Variants in WWOX observed in about 807,000 individuals in gnomAD.
WWOX encodes the protein WW domain-containing oxidoreductase.
A neutral mutation model predicts 46.2 loss-of-function variants in WWOX; 69 were observed. That is an observed-to-expected ratio of 1.49 (90% CI 1.23 to 1.82). The LOEUF (loss-of-function observed/expected upper bound fraction) is 1.82, where lower values mean the gene tolerates loss of function less well. Among genes scored for constraint, WWOX ranks in the 40% most tolerant of loss-of-function variants. The probability of loss-of-function intolerance (pLI) is 0.00; values close to 1 mark genes in which losing one functional copy is unlikely to be tolerated. For synonymous variants in WWOX, 359 were observed against 202.6 expected (o/e 1.77, Z -6.56); for missense variants, 919 against 542.6 (o/e 1.69, Z -6.89).
intron 8 of WWOX, among the ~76,000 whole-genome samples, chr16:78,870,325 T>A (rs1294721515): frequency 1.3e-5 from 2 of 152,160 alleles, no homozygotes; most frequent in South Asian, 2.1e-4. Context: ...ATTCTAAGAA[T>A]CATAAGTTTT....
chr16:79,058,220 C>G (rs866754967), intron 8 of WWOX, among the ~76,000 whole-genome samples: 3 of 151,914 alleles, frequency 2.0e-5, no homozygotes, highest in South Asian at 2.1e-4. Flanking sequence ...GGTGTGCCCT[C>G]CTTCCAAGAT....
rs1289512648 is a variant in WWOX at position 78,343,134 on chromosome 16, C to T, written c.517-43726C>T. Among the ~76,000 whole-genome samples the T allele has an allele frequency of 4.2e-5, 5 of 119,902 alleles. 2 individuals carry two copies. The highest frequency in any genetic ancestry group is 1.4e-4 in the African/African-American group (5 of 35,244). The allele number at this position is 119,902 out of a possible 152,430, so 78.7% of individuals were successfully genotyped here. On this transcript the variant is annotated intron_variant, in intron 5 of 8. Coordinates refer to ENST00000566780, the MANE Select transcript of WWOX (RefSeq NM_016373.4). ...CAACATAAGCCTCATGAGACAACAG[C>T]AGGATGCAAGATTGTACAATGACAC... is the stretch of plus-strand genomic sequence containing the variant.
chr16:78,496,520 A>G (rs1423860990), intron 8 of WWOX: 1 of 152,234 alleles, frequency 6.6e-6, no homozygotes, highest in Non-Finnish European at 1.5e-5. Context: ...CCACTATGAT[A>G]ACATCAAAGG....
chr16:78,787,973 C>T (rs951291501), intron 8 of WWOX, among the ~76,000 whole-genome samples: 1 of 152,194 alleles, frequency 6.6e-6, no homozygotes, highest in East Asian at 1.9e-4. Flanking sequence ...AAGTCCTTTG[C>T]CCAGTTTTTA....
At chr16:79,092,839 GCCCCTCAGCCCTCATAA>G (rs2048991190) in intron 8 of WWOX, among the ~76,000 whole-genome samples, 1 of 152,074 alleles carries the variant, frequency 6.6e-6, no homozygotes, top group African/African-American at 2.4e-5. Flanking sequence ...TCTCACTCAG[GCCCCTCAGCCCTCATAA>G]CCCCCCAGCT....
At chr16:79,025,131 T>TATG (rs2151389231) in intron 8 of WWOX, among the ~76,000 whole-genome samples, 2 of 151,134 alleles carry the variant, frequency 1.3e-5, no homozygotes, top group East Asian at 2.0e-4. Context: ...TTTGTTTTGT[T>TATG]TTGTTTTGTT....
At chr16:78,353,240 C>T (rs1267181952) in intron 5 of WWOX, among the ~76,000 whole-genome samples, 1 of 152,086 alleles carries the variant, frequency 6.6e-6, no homozygotes, top group East Asian at 1.9e-4. Flanking sequence ...ATGTAGGGGC[C>T]CGTGTATAAT....
chr16:78,105,626 G>T (rs564579571), intron 1 of WWOX, among the ~76,000 whole-genome samples: 30 of 152,192 alleles, frequency 2.0e-4, no homozygotes, highest in African/African-American at 5.8e-4. Context: ...GAGTTTTGTA[G>T]TTCCTTTGGA....
intron 5 of WWOX, among the ~76,000 whole-genome samples, chr16:78,230,264 C>G (rs539757657): frequency 3.9e-5 from 6 of 152,256 alleles, no homozygotes; most frequent in African/African-American, 1.4e-4. Flanking sequence ...CACAGAGTCA[C>G]AAACAGTGAG....
chr16:78,825,454 C>T, intron 8 of WWOX: 1 of 390,940 alleles, frequency 2.6e-6, no homozygotes, highest in Non-Finnish European at 5.2e-6. Context: ...AAAAAATGTT[C>T]CTGGTGAGAA....
At chr16:78,869,577 T>C (rs147937020) in intron 8 of WWOX, among the ~76,000 whole-genome samples, 9 of 152,304 alleles carry the variant, frequency 5.9e-5, no homozygotes, top group African/African-American at 2.2e-4. Context: ...AGTGCTGTGT[T>C]GAAAAGGATT....
chr16:79,148,345 A>AT (rs1048503548), intron 8 of WWOX, among the ~76,000 whole-genome samples: 5 of 152,044 alleles, frequency 3.3e-5, no homozygotes, highest in African/African-American at 4.8e-5. Context: ...CCTCCAGAGA[A>AT]TTTTTTTACC....
In WWOX at chr16:78,722,698, GTTT is replaced by G. The variant is rs56266240; in HGVS notation, c.1056+289967_1056+289969del. Reference sequence around the variant, plus strand: ...TTTAAAGGAACTGTAGTTTGTCTCTGTTTTTTTTTTTTTTTTTTTTTTTCCTCT... The same window carrying G: ...TTTAAAGGAACTGTAGTTTGTCTCTGTTTTTTTTTTTTTTTTTTTTCCTCT... On this transcript the variant is annotated intron_variant, in intron 8 of 8. Coordinates refer to ENST00000566780, the MANE Select transcript of WWOX (RefSeq NM_016373.4). 9.4e-3 allele frequency among the ~76,000 whole-genome samples: 1,093 copies of G among 116,272 alleles called. 14 individuals carry two copies. The highest frequency in any genetic ancestry group is 0.033 in the African/African-American group (1,025 of 30,976). 76.3% of individuals were successfully genotyped at this position (116,272 alleles called of 152,430 possible).
rs558270189 is a variant in WWOX, at chr16:78,492,283, G to T, written c.1056+59531G>T. ...AGACACTCATTCCGAAGGCGGGTGT[G>T]TATGTGCAAACTGTATAATTTTTTT... On this transcript the variant is annotated intron_variant, in intron 8 of 8. Coordinates refer to ENST00000566780, the MANE Select transcript of WWOX (RefSeq NM_016373.4). Among the ~76,000 whole-genome samples, 17 of 152,292 alleles carry T rather than the reference G, an allele frequency of 1.1e-4. No individual in the cohort carries two copies. The South Asian group carries it at 3.3e-3, about 30-fold the overall frequency.
chr16:78,129,638 G>T (rs931483448), intron 4 of WWOX, among the ~76,000 whole-genome samples: 1 of 151,954 alleles, frequency 6.6e-6, no homozygotes, highest in Non-Finnish European at 1.5e-5. Flanking sequence ...TGGTGGCCTG[G>T]AGCCTGGATC....
intron 8 of WWOX, among the ~76,000 whole-genome samples, chr16:78,638,565 T>C (rs950290299): frequency 1.3e-5 from 2 of 152,172 alleles, no homozygotes; most frequent in South Asian, 4.1e-4. Flanking sequence ...TTAATTGCAA[T>C]TGACTCTCAT....
At chr16:78,230,986 G>A (rs1016898519) in intron 5 of WWOX, among the ~76,000 whole-genome samples, 15 of 152,180 alleles carry the variant, frequency 9.9e-5, no homozygotes, top group African/African-American at 3.6e-4. Context: ...CCTTATTTAC[G>A]CACTGACTGT....
At chr16:78,972,409 A>G (rs2046488608) in intron 8 of WWOX, among the ~76,000 whole-genome samples, 1 of 151,954 alleles carries the variant, frequency 6.6e-6, no homozygotes, top group South Asian at 2.1e-4. Context: ...TTATATCTAT[A>G]ATATTTTACA....
At chr16:78,827,652 G>A (rs1266949206) in intron 8 of WWOX, among the ~76,000 whole-genome samples, 1 of 149,336 alleles carries the variant, frequency 6.7e-6, no homozygotes, top group Non-Finnish European at 1.5e-5. Context: ...GGCCAACATG[G>A]TGAAACCCCA....
Sources: allele counts gnomAD v4.1 joint callset (sites outside exome capture counted in the v4.1 genomes callset), GRCh38; gene constraint gnomAD v4.1.1; transcripts MANE v1.5; gene names NCBI Gene and HGNC (gene_info 2026-07-23, HGNC 2026-07-21).